The following CATSPERE variants were observed in gnomAD, a reference collection of about 807,000 sequenced individuals.
CATSPERE encodes the protein cation channel sperm-associated auxiliary subunit epsilon.
A neutral mutation model predicts 114.1 loss-of-function variants in CATSPERE; 93 were observed. That is an observed-to-expected ratio of 0.81 (90% CI 0.69 to 0.97). The LOEUF (loss-of-function observed/expected upper bound fraction) is 0.97. CATSPERE is among the 50% of genes least tolerant of loss of function. The pLI, the probability that CATSPERE is intolerant of heterozygous loss-of-function variation, is 0.00. For missense variants in CATSPERE, 1,058 were observed against 1,131.6 expected, an observed-to-expected ratio of 0.93 and a Z score of 0.93; for synonymous variants, 341 against 384.1, an observed-to-expected ratio of 0.89 and a Z score of 1.31.
At chr1:244,614,855 A>G (rs1226740245) in intron 19 of CATSPERE, among the ~76,000 whole-genome samples, 2 of 152,094 alleles carry the variant, frequency 1.3e-5, no homozygotes, top group Non-Finnish European at 2.9e-5. Context: ...TATGCATGTA[A>G]AACTCCTCCT....
At chr1:244,604,523 T>C (rs1441216583) in intron 17 of CATSPERE, among the ~76,000 whole-genome samples, 1 of 152,216 alleles carries the variant, frequency 6.6e-6, no homozygotes, top group African/African-American at 2.4e-5. Flanking sequence ...GTCAAGGACC[T>C]GTTATTTTGT....
At chr1:244,468,088 G>GTTTTTTTTTTT (rs537042738) in intron 2 of CATSPERE, among the ~76,000 whole-genome samples, 1 of 141,830 alleles carries the variant, frequency 7.1e-6, no homozygotes, top group Admixed American at 7.0e-5. Flanking sequence ...CCATTTTATT[G>GTTTTTTTTTTT]TTTTTTTTTT....
In CATSPERE at chr1:244,573,027, T is replaced by G. The variant is rs2148579327; in HGVS notation, c.1950+255T>G. ...TGTCAATTGTATTGTTCACTTCTTC[T>G]TCTTTTTTTTTTTAATGCATGGCTT... On this transcript the variant is annotated intron_variant, in intron 11 of 21. Transcript: ENST00000366534. This position sits in a 1 kb window ranked among gnomAD's most constrained non-coding sequence, Gnocchi z 4.0. 6.6e-6 allele frequency among the ~76,000 whole-genome samples: 1 copy of G among 152,108 alleles called. No individual in the cohort carries two copies. Among genetic ancestry groups the G allele is most frequent in the Non-Finnish European group, 1.5e-5 (1 of 67,974 alleles).
At chr1:244,508,240 T>TTTC (rs1172040455) in intron 7 of CATSPERE, among the ~76,000 whole-genome samples, 1 of 151,986 alleles carries the variant, frequency 6.6e-6, no homozygotes, top group East Asian at 1.9e-4. Context: ...ATGGAATTGC[T>TTTC]TTCTTGATTT....
chr1:244,469,125 A>C (rs1668058573), intron 2 of CATSPERE, among the ~76,000 whole-genome samples: 1 of 152,178 alleles, frequency 6.6e-6, no homozygotes, highest in African/African-American at 2.4e-5. Context: ...GACTACATTT[A>C]AGTTAATCAT....
Position 244,552,412 on chromosome 1 carries a change from A to G in CATSPERE, c.627A>G (p.Ala209=). 2 of 1,614,176 alleles carry G rather than the reference A, an allele frequency of 1.2e-6. No homozygotes were observed. Among genetic ancestry groups the G allele is most frequent in the Non-Finnish European group, 1.7e-6 (2 of 1,180,026 alleles). The part of the protein sequence containing the change: ...NQVTFQDCFI[A]DFLILLTFPL... ...TTACTTTTCAGGATTGCTTTATTGC[A>G]GATTTTCTTATTCTGTTGACTTTTC... The change falls in exon 9 of 22, where the codon GCA becomes GCG. Residue 209 remains alanine (A), a synonymous_variant. Transcript: ENST00000366534.
intron 4 of CATSPERE, among the ~76,000 whole-genome samples, chr1:244,479,023 C>T (rs1174532163): frequency 5.2e-4 from 40 of 77,516 alleles, no homozygotes; most frequent in Non-Finnish European, 8.5e-4. Flanking sequence ...AGCCAAACTT[C>T]GTCTCAAAAA....
intron 19 of CATSPERE, among the ~76,000 whole-genome samples, chr1:244,613,263 A>G (rs1298056979): frequency 6.6e-6 from 1 of 152,206 alleles, no homozygotes; most frequent in African/African-American, 2.4e-5. Context: ...TCACCAAAAA[A>G]TATATTTTGT....
At chr1:244,477,503 A>G in intron 2 of CATSPERE, 38 bp from the exon 3 acceptor site, 1 of 1,187,420 alleles carries the variant, frequency 8.4e-7, no homozygotes. Context: ...AAAAGTTTGA[A>G]TGATATTTTT....
At chr1:244,578,015 A>G (rs1381532446) in intron 11 of CATSPERE, among the ~76,000 whole-genome samples, 1 of 152,216 alleles carries the variant, frequency 6.6e-6, no homozygotes, top group African/African-American at 2.4e-5. Flanking sequence ...TACCAAAATA[A>G]AAGGATATAT....
At chr1:244,587,966 A>C (rs905684574) in intron 13 of CATSPERE, among the ~76,000 whole-genome samples, 9 of 152,114 alleles carry the variant, frequency 5.9e-5, no homozygotes, top group African/African-American at 1.9e-4. Flanking sequence ...AGGCAGAGGC[A>C]GGTGGATCAC....
Position 244,527,599 on chromosome 1 carries a change from C to T in CATSPERE, c.536+8901C>T, listed in dbSNP as rs560314195. Among the ~76,000 whole-genome samples the T allele has an allele frequency of 1.3e-4, 20 of 152,010 alleles. No individual in the cohort carries two copies. In the East Asian group the frequency reaches 2.5e-3, roughly 19 times the overall value. On this transcript the variant is annotated intron_variant, in intron 8 of 21. Transcript: ENST00000366534. ...CATCCTCCTCAGCTTACGAAGATGA[C>T]GGGATTAAGAGATTAAAATAAAGAC...
rs1666730345 is a variant in CATSPERE, at chr1:244,461,360, C to A, written c.-70C>A. On this transcript the variant is annotated 5_prime_UTR_variant, in exon 1 of 22. Coordinates refer to ENST00000366534, the MANE Select transcript of CATSPERE (RefSeq NM_001130957.2). ...CGCCTGCAGCCGCCCGCCGGGCCGA[C>A]GTCCCACGGGAATGCGCGAGGCCTG... 1 of 1,253,612 alleles carries A rather than the reference C, an allele frequency of 8.0e-7. No homozygotes were observed. The highest frequency in any genetic ancestry group is 1.0e-6 in the Non-Finnish European group (1 of 982,912). The allele number at this position is 1,253,612 out of a possible 1,614,324, so 77.7% of individuals were successfully genotyped here.
intron 6 of CATSPERE, among the ~76,000 whole-genome samples, chr1:244,491,466 G>A (rs1423861697): frequency 2.0e-5 from 3 of 151,846 alleles, no homozygotes; most frequent in Admixed American, 1.3e-4. Flanking sequence ...GAAATTTATA[G>A]CACTAAATGC....
At position 244,477,983 on chromosome 1, in the gene CATSPERE, G is replaced by C. The variant is rs769443325; in HGVS notation, c.258+8G>C. ...CCAATTGTTACTGGCCCAGTAAGTT[G>C]TTTTAATGATATGTTATTAAATCTT... On this transcript the variant is annotated splice_region_variant and intron_variant, in intron 4 of 21. Coordinates refer to ENST00000366534, the MANE Select transcript of CATSPERE (RefSeq NM_001130957.2). 2 of 1,566,698 alleles carry C rather than the reference G, an allele frequency of 1.3e-6. No homozygotes were observed. The highest frequency in any genetic ancestry group is 4.5e-5 in the East Asian group (2 of 44,444).
chr1:244,484,351 G>A (rs188058777), intron 5 of CATSPERE, among the ~76,000 whole-genome samples: 11 of 152,234 alleles, frequency 7.2e-5, no homozygotes, highest in Non-Finnish European at 1.0e-4. Flanking sequence ...ATATGGAGAA[G>A]CAAAAGACTC....
intron 7 of CATSPERE, among the ~76,000 whole-genome samples, chr1:244,512,414 G>C (rs897497448): frequency 1.3e-5 from 2 of 151,970 alleles, no homozygotes; most frequent in Admixed American, 1.3e-4. Context: ...CTATCTGTTT[G>C]TTAAATCTCT....
chr1:244,468,353 A>G (rs1667949079), intron 2 of CATSPERE, among the ~76,000 whole-genome samples: 1 of 152,044 alleles, frequency 6.6e-6, no homozygotes, highest in Admixed American at 6.5e-5. Flanking sequence ...TGGCCTCCCA[A>G]AGTGCTGGGA....
In CATSPERE at chr1:244,610,305, A is replaced by G; in HGVS notation, c.2469A>G (p.Leu823=). 6.2e-7 allele frequency: 1 copy of G among 1,612,634 alleles called. No homozygotes were observed. The highest frequency in any genetic ancestry group is 8.5e-7 in the Non-Finnish European group (1 of 1,178,828). The part of the protein sequence containing the change: ...SMIELNKHLP[L]EEVWGPENYK... ...TTGAACTTAACAAGCACCTCCCACT[A>G]GAAGAAGTCTGGGGACCTGAGGTAA... Residue 823 remains leucine (L), a synonymous_variant, in exon 19 of 22, where the codon CTA becomes CTG. Coordinates refer to ENST00000366534, the MANE Select transcript of CATSPERE (RefSeq NM_001130957.2).
Sources: gnomAD v4.1 joint callset for allele counts (sites outside exome capture counted in the v4.1 genomes callset) on GRCh38, gnomAD v4.1.1 for gene constraint, Gnocchi (gnomAD v3.1) non-coding constraint, MANE v1.5 for transcripts, NCBI Gene and HGNC (gene_info 2026-07-23, HGNC 2026-07-21) for gene names.